The following VPS35L variants were observed in gnomAD, a reference collection of about 807,000 sequenced individuals.
VPS35L encodes the protein VPS35 endosomal protein sorting factor like.
In VPS35L, 83 loss-of-function variants were observed where a neutral mutation model predicts 133.0. The ratio of observed to expected loss-of-function variants is 0.62; its 90% CI spans 0.52 to 0.75. The LOEUF is 0.75. VPS35L is among the 30% of genes least tolerant of loss of function. VPS35L has a pLI of 0.00. For missense variants in VPS35L, 1,083 were observed against 1,206.8 expected, an observed-to-expected ratio of 0.90 and a Z score of 1.52; for synonymous variants, 423 against 449.9, an observed-to-expected ratio of 0.94 and a Z score of 0.76.
chr16:19,647,152 A>G (rs1401503961), intron 23 of VPS35L, among the ~76,000 whole-genome samples: 1 of 152,222 alleles, frequency 6.6e-6, no homozygotes, highest in Non-Finnish European at 1.5e-5. Context: ...GGATTTTCCC[A>G]AGTCGCTCTC....
chr16:19,639,978 G>C lies in VPS35L; in HGVS notation c.1699-37G>C, dbSNP rs1425314828. 1 of 1,539,810 alleles carries C rather than the reference G, an allele frequency of 6.5e-7. No homozygotes were observed. The highest frequency in any genetic ancestry group is 9.0e-7 in the Non-Finnish European group (1 of 1,114,682). ...ACAGATTCCTTCCTTCCAATAACTT[G>C]TGTCATTTGCATATAGAGTGCTTGC... On this transcript the variant is annotated intron_variant, in intron 20 of 30. Coordinates refer to ENST00000417362, the MANE Select transcript of VPS35L (RefSeq NM_020314.7). This position sits in a 1 kb window ranked among gnomAD's most constrained non-coding sequence, Gnocchi z 4.1.
chr16:19,674,153 C>CACT (rs1294351280), intron 27 of VPS35L, among the ~76,000 whole-genome samples: 1 of 148,364 alleles, frequency 6.7e-6, no homozygotes, highest in Non-Finnish European at 1.5e-5. Flanking sequence ...TCCCACATCT[C>CACT]ACTTCTACCT....
At chr16:19,663,509 CTTTT>C (rs949623726) in intron 26 of VPS35L, among the ~76,000 whole-genome samples, 2 of 149,348 alleles carry the variant, frequency 1.3e-5, no homozygotes, top group Non-Finnish European at 3.0e-5. Flanking sequence ...ACTTTTTGTC[CTTTT>C]TTTTTCTTTT....
In VPS35L at chr16:19,633,948, G is replaced by C. The variant is rs1034163773; in HGVS notation, c.1635+776G>C. Among the ~76,000 whole-genome samples, 1 of 151,842 alleles carries C rather than the reference G, an allele frequency of 6.6e-6. No individual in the cohort carries two copies. The highest frequency in any genetic ancestry group is 6.6e-5 in the Admixed American group (1 of 15,242). ...TCACCGCGTTAGCCAGGGTGGTCTC[G>C]ATGTCCTGACTTCGTGATCCACCCG... is the stretch of plus-strand genomic sequence containing the variant. On this transcript the variant is annotated intron_variant, in intron 19 of 30. Transcript: ENST00000417362. The surrounding 1 kb of genome is among the most constrained non-coding windows in gnomAD (Gnocchi z 4.1).
At chr16:19,647,641 A>G (rs1287585155) in intron 23 of VPS35L, 143 bp from the exon 24 acceptor site, 2 of 674,960 alleles carry the variant, frequency 3.0e-6, no homozygotes, top group East Asian at 2.6e-5. Context: ...CTTCTGTTTT[A>G]TACCCTTCGA....
In VPS35L at chr16:19,573,093, G is replaced by A. The variant is rs145087080; in HGVS notation, c.286-26G>A. On this transcript the variant is annotated intron_variant, in intron 3 of 30. Coordinates refer to ENST00000417362, the MANE Select transcript of VPS35L (RefSeq NM_020314.7). Reference sequence around the variant, plus strand: ...TAAAGATCAAAATGATATTGCTGCTGAAGAGATTATCTTGCCTTTCTTTAG... The same window carrying A: ...TAAAGATCAAAATGATATTGCTGCTAAAGAGATTATCTTGCCTTTCTTTAG... 7.3e-5 allele frequency: 117 copies of A among 1,609,410 alleles called. No homozygotes were observed. The Middle Eastern group carries it at 1.5e-3, about 20-fold the overall frequency.
rs758137585 is a variant in VPS35L, at chr16:19,640,055, G to A, written c.1739G>A (p.Ser580Asn). Residue 580 changes from serine to asparagine, a missense_variant, in exon 21 of 31, where the codon AGT becomes AAT. Physicochemically the swap from Ser to Asn is conservative, Grantham distance 46. Transcript: ENST00000417362. ...LPFLDMFQKE[S>N]VRVEVCKCIM... ...TTTCTGGACATGTTCCAAAAAGAGA[G>A]TGTGCGGGTGGAGGTTTGCAAATGC... 1.9e-6 allele frequency: 3 copies of A among 1,614,134 alleles called. No homozygotes were observed. Among genetic ancestry groups the A allele is most frequent in the Non-Finnish European group, 1.7e-6 (2 of 1,180,054 alleles).
rs1275591328 is a variant in VPS35L at position 19,594,027 on chromosome 16, G to A, written c.724+2153G>A. On this transcript the variant is annotated intron_variant, in intron 8 of 30. Coordinates refer to ENST00000417362, the MANE Select transcript of VPS35L (RefSeq NM_020314.7). ...GCTAGCTTTATTGCTAGTGGTCCCAGGGCATGGAAAGAGCTACTTTCTCCA... is the reference window on the plus strand; with the variant it reads ...GCTAGCTTTATTGCTAGTGGTCCCAAGGCATGGAAAGAGCTACTTTCTCCA... Among the ~76,000 whole-genome samples the A allele has an allele frequency of 3.3e-5, 5 of 152,256 alleles. No homozygotes were observed. In the East Asian group the frequency reaches 9.7e-4, roughly 29 times the overall value.
At chr16:19,558,548 C>G (rs1970930761) in intron 1 of VPS35L, among the ~76,000 whole-genome samples, 1 of 152,146 alleles carries the variant, frequency 6.6e-6, no homozygotes, top group African/African-American at 2.4e-5. Context: ...TATATTTTGG[C>G]CTGGCTAGGA....
intron 7 of VPS35L, among the ~76,000 whole-genome samples, chr16:19,585,429 C>T (rs142954276): frequency 0.018 from 2,595 of 142,034 alleles, 88 homozygotes; most frequent in African/African-American, 0.064. Context: ...TTTTTTGAGA[C>T]AGGGTCTCTG....
intron 24 of VPS35L, 118 bp from the exon 25 acceptor site, chr16:19,650,264 G>A: frequency 1.2e-6 from 1 of 834,202 alleles, no homozygotes; most frequent in Non-Finnish European, 2.0e-6. Context: ...ACCAGTCTTG[G>A]TCCTAGAAAG....
chr16:19,684,253 A>G (rs940068239), intron 28 of VPS35L, among the ~76,000 whole-genome samples: 3 of 152,174 alleles, frequency 2.0e-5, no homozygotes, highest in Non-Finnish European at 2.9e-5. Context: ...TTTCCCACTG[A>G]GCCCAAGTAT....
At chr16:19,573,327 G>A in intron 4 of VPS35L, 86 bp downstream of exon 4, 2 of 1,391,124 alleles carry the variant, frequency 1.4e-6, no homozygotes, top group Non-Finnish European at 2.0e-6. Context: ...CCTGGGCTCT[G>A]TAAGTTTCAC....
chr16:19,636,377 T>A (rs191809656), intron 19 of VPS35L, among the ~76,000 whole-genome samples: 110 of 152,312 alleles, frequency 7.2e-4, no homozygotes, highest in Admixed American at 3.9e-3. Flanking sequence ...AGCATTTTTA[T>A]AATGAAATAT....
rs1301740068 is a variant in VPS35L at position 19,610,364 on chromosome 16, A to C, written c.972A>C (p.Arg324Ser). The C allele has an allele frequency of 6.2e-7, 1 of 1,614,000 alleles. No individual in the cohort carries two copies. Among genetic ancestry groups the C allele is most frequent in the Non-Finnish European group, 8.5e-7 (1 of 1,180,026 alleles). The change falls in exon 12 of 31, where the codon AGA becomes AGC. Residue 324 changes from arginine (R) to serine (S), a missense_variant. Transcript: ENST00000417362. Reference protein sequence around the residue: ...ECLPRLTCMIRGIGDPLVSVY... With the variant: ...ECLPRLTCMISGIGDPLVSVY... ...TGCCCCGGTTGACATGCATGATCAG[A>C]GGGATCGGAGACCCACTAGTGTCGG...
In VPS35L at chr16:19,700,396, A is replaced by C. The variant is rs763144416; in HGVS notation, c.2812A>C (p.Ile938Leu). The change falls in exon 31 of 31, where the codon ATC becomes CTC. Residue 938 changes from isoleucine to leucine, a missense_variant. Transcript: ENST00000417362. ...CTCATAGGTGAAAACGCTAGAATAC[A>C]TCAAGAAGCAAAGCAAACAACCAGA... ...TRTMVKTLEY[I>L]KKQSKQPDMT... 6.2e-7 allele frequency: 1 copy of C among 1,614,132 alleles called. No individual in the cohort carries two copies. Among genetic ancestry groups the C allele is most frequent in the Non-Finnish European group, 8.5e-7 (1 of 1,179,966 alleles).
intron 26 of VPS35L, among the ~76,000 whole-genome samples, chr16:19,657,506 T>C (rs1169842029): frequency 2.0e-5 from 3 of 152,236 alleles, no homozygotes; most frequent in Non-Finnish European, 4.4e-5. Flanking sequence ...TTCTCCATTA[T>C]GCTTATCACT....
chr16:19,623,766 TTTATTATTATTATTA>T (rs199933640), intron 14 of VPS35L, among the ~76,000 whole-genome samples: 263 of 126,838 alleles, frequency 2.1e-3, no homozygotes, highest in East Asian at 0.011. Flanking sequence ...TACTTATTTA[TTTATTATTATTATTA>T]TTATTATTAT....
intron 29 of VPS35L, among the ~76,000 whole-genome samples, chr16:19,697,724 C>A (rs1486135939): frequency 6.6e-6 from 1 of 152,082 alleles, no homozygotes; most frequent in African/African-American, 2.4e-5. Flanking sequence ...TTCTTAATCC[C>A]TGCATACAAC....
Sources: allele counts gnomAD v4.1 joint callset (sites outside exome capture counted in the v4.1 genomes callset), GRCh38; gene constraint gnomAD v4.1.1; non-coding constraint Gnocchi (gnomAD v3.1); transcripts MANE v1.5; gene names NCBI Gene and HGNC (gene_info 2026-07-23, HGNC 2026-07-21).